Variants in PDE7B observed in about 807,000 individuals in gnomAD.
PDE7B encodes 3',5'-cyclic-AMP phosphodiesterase 7B.
In PDE7B, 29 loss-of-function variants were observed where a neutral mutation model predicts 56.2. The observed-to-expected ratio is 0.52, with a 90% CI of 0.38 to 0.70. The LOEUF is 0.70. Among genes scored for constraint, PDE7B ranks in the 30% least tolerant of loss-of-function variants. The pLI, the probability that PDE7B is intolerant of heterozygous loss-of-function variation, is 0.00. For synonymous variants in PDE7B, 197 were observed against 196.9 expected (o/e 1.00, Z 0.00); for missense variants, 490 against 565.0 (o/e 0.87, Z 1.35).
chr6:135,964,681 G>A (rs1774962278), intron 2 of PDE7B, among the ~76,000 whole-genome samples: 1 of 152,130 alleles, frequency 6.6e-6, no homozygotes, highest in Non-Finnish European at 1.5e-5. Flanking sequence ...GATTTGTCCA[G>A]TAAAAGTAGA....
At position 136,191,630 on chromosome 6, in the gene PDE7B, C is replaced by T. The variant is rs556121260; in HGVS notation, c.1143C>T (p.Ile381=). ...CTGTTCTAGGTTTCATGAGCTACATCGTGGAGCCGCTCTTCCGGGAATGGG... is the reference window on the plus strand; with the variant it reads ...CTGTTCTAGGTTTCATGAGCTACATTGTGGAGCCGCTCTTCCGGGAATGGG... ...PSIQIGFMSY[I]VEPLFREWAH... The change falls in exon 13 of 13, where the codon ATC becomes ATT. Residue 381 remains isoleucine (I), a synonymous_variant. Transcript: ENST00000308191. 12 of 1,614,006 alleles carry T rather than the reference C, an allele frequency of 7.4e-6. No individual in the cohort carries two copies. In the African/African-American group the frequency reaches 1.5e-4, roughly 20 times the overall value.
intron 2 of PDE7B, among the ~76,000 whole-genome samples, chr6:135,970,272 CATG>C (rs1001971512): frequency 6.6e-6 from 1 of 151,972 alleles, no homozygotes; most frequent in African/African-American, 2.4e-5. Flanking sequence ...CAGGGAGTGA[CATG>C]GTGGTGGCAG....
At chr6:136,091,902 A>C (rs953769349) in intron 2 of PDE7B, among the ~76,000 whole-genome samples, 1 of 152,244 alleles carries the variant, frequency 6.6e-6, no homozygotes, top group Non-Finnish European at 1.5e-5. Context: ...CAGAGTATCA[A>C]GTTTGTGCTC....
intron 3 of PDE7B, among the ~76,000 whole-genome samples, chr6:136,128,358 A>T (rs1227819015): frequency 6.6e-6 from 1 of 152,188 alleles, no homozygotes. Flanking sequence ...CTAATTTTTT[A>T]AATTAATTCT....
At chr6:135,926,302 T>A (rs1026707814) in intron 1 of PDE7B, among the ~76,000 whole-genome samples, 1 of 152,146 alleles carries the variant, frequency 6.6e-6, no homozygotes, top group Non-Finnish European at 1.5e-5. Context: ...TTAGCCAGGA[T>A]GGTCTCAATC....
At chr6:136,133,279 A>G (rs1337775320) in intron 3 of PDE7B, among the ~76,000 whole-genome samples, 14 of 151,674 alleles carry the variant, frequency 9.2e-5, no homozygotes, top group Admixed American at 9.2e-4. Flanking sequence ...TGCCAAAAAA[A>G]AAAAGCATAA....
intron 4 of PDE7B, among the ~76,000 whole-genome samples, chr6:136,148,793 C>T (rs995552372): frequency 6.6e-6 from 1 of 152,134 alleles, no homozygotes; most frequent in African/African-American, 2.4e-5. Context: ...TATCACAGGC[C>T]AAGTCCTAGG....
intron 2 of PDE7B, among the ~76,000 whole-genome samples, chr6:136,005,599 A>G (rs1775767142): frequency 6.6e-6 from 1 of 152,252 alleles, no homozygotes; most frequent in Non-Finnish European, 1.5e-5. Flanking sequence ...AAAACACATG[A>G]AAAAATGCTC....
At chr6:136,084,898 GA>G (rs1226121117) in intron 2 of PDE7B, among the ~76,000 whole-genome samples, 3 of 151,764 alleles carry the variant, frequency 2.0e-5, no homozygotes, top group Non-Finnish European at 2.9e-5. Context: ...TCAAGGTGGT[GA>G]AAAAAAATCA....
chr6:136,151,426 A>T (rs977437911), intron 6 of PDE7B, among the ~76,000 whole-genome samples, 171 bp downstream of exon 6: 1 of 152,232 alleles, frequency 6.6e-6, no homozygotes, highest in African/African-American at 2.4e-5. Flanking sequence ...TAAATCATTT[A>T]AAAATTGTTT....
intron 3 of PDE7B, among the ~76,000 whole-genome samples, chr6:136,135,625 T>C (rs1309289756): frequency 6.6e-6 from 1 of 152,060 alleles, no homozygotes; most frequent in East Asian, 1.9e-4. Flanking sequence ...TAAACAAATA[T>C]GGCCTCTTAT....
At chr6:136,067,563 C>A (rs1302469261) in intron 2 of PDE7B, among the ~76,000 whole-genome samples, 1 of 152,208 alleles carries the variant, frequency 6.6e-6, no homozygotes, top group Non-Finnish European at 1.5e-5. Context: ...CTAGGGACTT[C>A]TATGCCGGAA....
intron 2 of PDE7B, among the ~76,000 whole-genome samples, chr6:135,990,087 G>T (rs1775451968): frequency 6.8e-6 from 1 of 148,074 alleles, no homozygotes; most frequent in African/African-American, 2.4e-5. Flanking sequence ...TTTGATTTTT[G>T]GGGTTTTTTT....
chr6:136,140,767 G>A (rs1419290538), intron 3 of PDE7B, among the ~76,000 whole-genome samples: 2 of 152,126 alleles, frequency 1.3e-5, no homozygotes, highest in African/African-American at 4.8e-5. Flanking sequence ...TTGGCTGTTT[G>A]TCTGTTATTG....
chr6:136,006,224 A>T (rs1400346481), intron 2 of PDE7B, among the ~76,000 whole-genome samples: 44 of 87,640 alleles, frequency 5.0e-4, no homozygotes, highest in African/African-American at 1.8e-3. Flanking sequence ...GGGAGGGGGG[A>T]GGGATAGCAT....
At chr6:136,113,406 G>A (rs552694221) in intron 3 of PDE7B, among the ~76,000 whole-genome samples, 17 of 152,156 alleles carry the variant, frequency 1.1e-4, no homozygotes, top group South Asian at 4.2e-4. Flanking sequence ...AGCTAATTTC[G>A]TTCCCTGTTT....
At chr6:136,147,551 T>C in intron 4 of PDE7B, 49 bp downstream of exon 4, 13 of 1,551,874 alleles carry the variant, frequency 8.4e-6, no homozygotes, top group Non-Finnish European at 1.2e-5. Context: ...GCCAAGAGCA[T>C]GTGCCTCAGC....
chr6:136,192,325 TTAATAA>T lies in PDE7B; in HGVS notation c.*491_*496del, dbSNP rs915638736. 6.6e-6 allele frequency: 1 copy of T among 152,162 alleles called. No homozygotes were observed. Among genetic ancestry groups the T allele is most frequent in the African/African-American group, 2.4e-5 (1 of 41,402 alleles). The allele number at this position is 152,162 out of a possible 1,614,324, so 9.4% of individuals were successfully genotyped here. The stretch of plus-strand genomic sequence containing the variant: ...AGTGTGAGAGAAAGTACCTTCTATT[TTAATAA>T]TAATATTATTATAAAAATAATAAAT... On this transcript the variant is annotated 3_prime_UTR_variant, in exon 13 of 13. Transcript: ENST00000308191.
At chr6:136,040,823 G>A (rs1776400308) in intron 2 of PDE7B, among the ~76,000 whole-genome samples, 1 of 152,130 alleles carries the variant, frequency 6.6e-6, no homozygotes, top group Admixed American at 6.5e-5. Context: ...CCTTGGCTCA[G>A]TCAACTGAAA....
Sources: gnomAD v4.1 joint callset for allele counts (sites outside exome capture counted in the v4.1 genomes callset) on GRCh38, gnomAD v4.1.1 for gene constraint, MANE v1.5 for transcripts, NCBI Gene and HGNC (gene_info 2026-07-23, HGNC 2026-07-21) for gene names.